The following MAD1L1 variants were observed in gnomAD, a reference collection of about 807,000 sequenced individuals.
MAD1L1 encodes mitotic spindle assembly checkpoint protein MAD1.
Under a neutral mutation model 96.9 loss-of-function variants are expected in MAD1L1, and 95 were observed. The observed-to-expected ratio is 0.98, with a 90% CI of 0.83 to 1.16. The LOEUF (loss-of-function observed/expected upper bound fraction) is 1.16. Among genes scored for constraint, MAD1L1 ranks in the 50% most tolerant of loss-of-function variants. The pLI is 0.00. For missense variants in MAD1L1, 1,007 were observed against 954.4 expected (o/e 1.06, Z -0.73); for synonymous variants, 473 against 396.6 (o/e 1.19, Z -2.29).
intron 14 of MAD1L1, among the ~76,000 whole-genome samples, chr7:1,998,229 A>G (rs1440038166): frequency 6.6e-6 from 1 of 152,058 alleles, no homozygotes. Context: ...GCCCAAGACC[A>G]GTTTCTGTCT....
chr7:1,882,487 T>G (rs564817638), intron 18 of MAD1L1, among the ~76,000 whole-genome samples: 5 of 152,028 alleles, frequency 3.3e-5, no homozygotes, highest in Admixed American at 2.0e-4. Flanking sequence ...AGGGAAGGGG[T>G]GAGGGGCGCG....
intron 11 of MAD1L1, among the ~76,000 whole-genome samples, chr7:2,107,056 C>CA (rs1204113367): frequency 7.4e-4 from 113 of 152,356 alleles, no homozygotes; most frequent in African/African-American, 2.7e-3. Context: ...AGGGCACCCA[C>CA]ATACAGCATC....
In MAD1L1 at chr7:1,833,616, A is replaced by G. The variant is rs541072191; in HGVS notation, c.1999-17388T>C. 5.9e-5 allele frequency among the ~76,000 whole-genome samples: 9 copies of G among 152,364 alleles called. No homozygotes were observed. In the South Asian group the frequency reaches 1.5e-3, roughly 25 times the overall value. On this transcript the variant is annotated intron_variant, in intron 18 of 18. Coordinates refer to ENST00000265854, the MANE Select transcript of MAD1L1 (RefSeq NM_001013836.2). ...GTACACACACAACATTTACCAAGGC[A>G]GTAACATTCTGGATGGACCTTAAAA...
At chr7:1,846,885 T>A (rs1783657023) in intron 18 of MAD1L1, 2 of 269,386 alleles carry the variant, frequency 7.4e-6, no homozygotes, top group Admixed American at 5.2e-5. Flanking sequence ...GCAGCCTGTA[T>A]GAAGCTGCTG....
At chr7:1,985,719 T>C (rs1424873197) in intron 14 of MAD1L1, among the ~76,000 whole-genome samples, 2 of 152,228 alleles carry the variant, frequency 1.3e-5, no homozygotes, top group Non-Finnish European at 2.9e-5. Context: ...GAACTCTTGC[T>C]GCGGGTTCTT....
intron 11 of MAD1L1, among the ~76,000 whole-genome samples, chr7:2,109,006 C>T (rs1280892256): frequency 2.0e-5 from 3 of 152,256 alleles, no homozygotes; most frequent in Admixed American, 6.5e-5. Flanking sequence ...AGACCCCCAC[C>T]CGGCCATTCC....
Position 2,196,953 on chromosome 7 carries a change from G to C in MAD1L1, c.986+16259C>G, listed in dbSNP as rs984542868. On this transcript the variant is annotated intron_variant, in intron 10 of 18. Coordinates refer to ENST00000265854, the MANE Select transcript of MAD1L1 (RefSeq NM_001013836.2). Reference sequence around the variant, plus strand: ...ACAGCCCCAGGGACTTCCACCAGCAGGGTCCTGCCAAGGCGCCAGGTCCTC... The same window carrying C: ...ACAGCCCCAGGGACTTCCACCAGCACGGTCCTGCCAAGGCGCCAGGTCCTC... Among the ~76,000 whole-genome samples the C allele has an allele frequency of 3.9e-5, 6 of 152,342 alleles. No individual in the cohort carries two copies. In the East Asian group the frequency reaches 1.2e-3, roughly 29 times the overall value.
At chr7:2,160,559 T>C (rs1790055821) in intron 10 of MAD1L1, among the ~76,000 whole-genome samples, 2 of 152,026 alleles carry the variant, frequency 1.3e-5, no homozygotes, top group Admixed American at 1.3e-4. Context: ...GGTCTCGATC[T>C]CCTGACCTTG....
intron 10 of MAD1L1, among the ~76,000 whole-genome samples, chr7:2,159,823 T>A (rs1790016355): frequency 6.6e-6 from 1 of 152,162 alleles, no homozygotes; most frequent in Admixed American, 6.5e-5. Flanking sequence ...ACATGAAAGA[T>A]CACCAAAAAG....
At chr7:2,110,727 C>A (rs569998704) in intron 11 of MAD1L1, among the ~76,000 whole-genome samples, 4 of 152,288 alleles carry the variant, frequency 2.6e-5, no homozygotes, top group South Asian at 4.1e-4. Flanking sequence ...ACGGGCTTCA[C>A]CAATTAATAA....
chr7:2,111,763 G>C (rs1558465), intron 11 of MAD1L1, among the ~76,000 whole-genome samples: 53,644 of 152,180 alleles, frequency 0.35, 10,748 homozygotes, highest in East Asian at 0.51. Context: ...TGGCCCAGCA[G>C]GAGCAGGCCT....
At chr7:2,078,880 G>A (rs569254254) in intron 11 of MAD1L1, among the ~76,000 whole-genome samples, 9 of 152,356 alleles carry the variant, frequency 5.9e-5, no homozygotes, top group Admixed American at 2.0e-4. Flanking sequence ...AGAAGCCACC[G>A]TGTCCCCCAG....
At chr7:1,852,881 C>A (rs374617662) in intron 18 of MAD1L1, among the ~76,000 whole-genome samples, 1 of 152,124 alleles carries the variant, frequency 6.6e-6, no homozygotes, top group Non-Finnish European at 1.5e-5. Context: ...CTGGAAGGGG[C>A]GCCTCCGAGG....
chr7:2,034,006 G>A (rs1355654647), intron 12 of MAD1L1, among the ~76,000 whole-genome samples: 1 of 152,152 alleles, frequency 6.6e-6, no homozygotes, highest in African/African-American at 2.4e-5. Flanking sequence ...TCAGGCAGGA[G>A]GATATATTGA....
chr7:1,958,859 C>T (rs1323985421), intron 15 of MAD1L1, among the ~76,000 whole-genome samples: 1 of 152,194 alleles, frequency 6.6e-6, no homozygotes, highest in Admixed American at 6.5e-5. Flanking sequence ...GTGGAAACTA[C>T]CTGTCAGATA....
intron 11 of MAD1L1, among the ~76,000 whole-genome samples, chr7:2,128,302 C>T (rs777412432): frequency 1.3e-5 from 2 of 152,174 alleles, no homozygotes; most frequent in African/African-American, 2.4e-5. Context: ...AACAGCACTA[C>T]TGAAACCTGG....
At chr7:2,081,669 GGTCCGCC>G (rs1785654559) in intron 11 of MAD1L1, among the ~76,000 whole-genome samples, 1 of 152,248 alleles carries the variant, frequency 6.6e-6, no homozygotes, top group Non-Finnish European at 1.5e-5. Context: ...TCCACACAGG[GGTCCGCC>G]GTCACTGTTC....
intron 18 of MAD1L1, among the ~76,000 whole-genome samples, chr7:1,837,585 C>G (rs1398747577): frequency 6.6e-6 from 1 of 152,244 alleles, no homozygotes; most frequent in Admixed American, 6.5e-5. Flanking sequence ...ACATTGTGGT[C>G]TATCCGTATG....
At chr7:2,007,847 C>G (rs1476825075) in intron 13 of MAD1L1, among the ~76,000 whole-genome samples, 1 of 152,174 alleles carries the variant, frequency 6.6e-6, no homozygotes, top group African/African-American at 2.4e-5. Context: ...GGTGAACAGA[C>G]GAGACCATTT....
Sources: gnomAD v4.1 joint callset for allele counts (sites outside exome capture counted in the v4.1 genomes callset) on GRCh38, gnomAD v4.1.1 for gene constraint, MANE v1.5 for transcripts, NCBI Gene and HGNC (gene_info 2026-07-23, HGNC 2026-07-21) for gene names.